The following FHIT variants were observed in gnomAD, a reference collection of about 807,000 sequenced individuals.
The protein encoded by FHIT is fragile histidine triad diadenosine triphosphatase.
FHIT carries 19 observed loss-of-function variants against 17.9 expected under a neutral mutation model. The observed-to-expected ratio is 1.06, with a 90% CI of 0.74 to 1.56. The LOEUF (loss-of-function observed/expected upper bound fraction) is 1.56, where lower values mean the gene tolerates loss of function less well. Among genes scored for constraint, FHIT ranks in the 40% most tolerant of loss-of-function variants. The pLI is 0.00. For missense variants in FHIT, 248 were observed against 189.2 expected, an observed-to-expected ratio of 1.31 and a Z score of -1.82; for synonymous variants, 81 against 69.7, an observed-to-expected ratio of 1.16 and a Z score of -0.81.
intron 4 of FHIT, among the ~76,000 whole-genome samples, chr3:60,655,535 C>A (rs1270993142): frequency 2.0e-5 from 3 of 152,128 alleles, no homozygotes; most frequent in African/African-American, 7.2e-5. Context: ...TTTATCTCGA[C>A]AGAACAATTA....
intron 4 of FHIT, among the ~76,000 whole-genome samples, chr3:60,578,301 G>T (rs1198816708): frequency 6.6e-6 from 1 of 151,924 alleles, no homozygotes; most frequent in Non-Finnish European, 1.5e-5. Context: ...GCTGAGTATG[G>T]TGGTGTGCAC....
chr3:60,342,084 C>T (rs1002436284), intron 5 of FHIT, among the ~76,000 whole-genome samples: 1 of 152,178 alleles, frequency 6.6e-6, no homozygotes, highest in African/African-American at 2.4e-5. Flanking sequence ...ATACACAGGA[C>T]CTGAAGATGC....
intron 3 of FHIT, among the ~76,000 whole-genome samples, chr3:61,015,446 C>T (rs1000844897): frequency 6.6e-6 from 1 of 152,098 alleles, no homozygotes; most frequent in Non-Finnish European, 1.5e-5. Flanking sequence ...AGAAAATATT[C>T]TATATCCTTT....
At chr3:61,131,380 G>A (rs2036758374) in intron 2 of FHIT, among the ~76,000 whole-genome samples, 2 of 152,210 alleles carry the variant, frequency 1.3e-5, no homozygotes. Context: ...TGGCAAAAAG[G>A]TGGATGGGCT....
At chr3:60,216,393 C>A (rs1026409971) in intron 5 of FHIT, among the ~76,000 whole-genome samples, 2 of 152,108 alleles carry the variant, frequency 1.3e-5, no homozygotes, top group African/African-American at 4.8e-5. Context: ...AATACCAATT[C>A]AGTGAAAAAG....
Position 59,747,784 on chromosome 3 carries a change from C to T in FHIT, c.*1801G>A, listed in dbSNP as rs1700686480. Among the ~76,000 whole-genome samples the T allele has an allele frequency of 6.6e-6, 1 of 151,798 alleles. No individual in the cohort carries two copies. The highest frequency in any genetic ancestry group is 1.5e-5 in the Non-Finnish European group (1 of 67,960). On this transcript the variant is annotated 3_prime_UTR_variant, in exon 10 of 10. Transcript: ENST00000492590. The stretch of plus-strand genomic sequence containing the variant: ...CCATGCACCTTGTCTTCTTGATATG[C>T]CTGCAGGGGTTGGGGGGAGGTGGGT...
intron 7 of FHIT, among the ~76,000 whole-genome samples, chr3:59,983,358 C>G (rs932460142): frequency 6.6e-6 from 1 of 152,102 alleles, no homozygotes; most frequent in African/African-American, 2.4e-5. Context: ...GTTTTACTTT[C>G]TATGGTTTCA....
intron 2 of FHIT, among the ~76,000 whole-genome samples, chr3:61,070,794 C>T (rs1036099276): frequency 9.2e-5 from 14 of 152,218 alleles, no homozygotes; most frequent in East Asian, 1.9e-4. Flanking sequence ...CCCAGTCTTA[C>T]GATGGTGCAG....
chr3:60,441,211 G>C (rs746648498), intron 5 of FHIT, among the ~76,000 whole-genome samples: 4 of 151,988 alleles, frequency 2.6e-5, no homozygotes, highest in African/African-American at 9.7e-5. Flanking sequence ...ACCAATATTC[G>C]ATGAATCACT....
chr3:60,637,955 A>C (rs1387433160), intron 4 of FHIT, among the ~76,000 whole-genome samples: 4 of 152,208 alleles, frequency 2.6e-5, no homozygotes, highest in African/African-American at 9.6e-5. Context: ...AACCTACTAG[A>C]GTAATGTCAA....
chr3:59,992,989 T>G (rs150826086), intron 7 of FHIT, among the ~76,000 whole-genome samples: 134 of 152,224 alleles, frequency 8.8e-4, no homozygotes, highest in African/African-American at 3.1e-3. Context: ...TCCAGGTCGT[T>G]AATGAAATGA....
chr3:60,073,772 C>T (rs1310138583), intron 5 of FHIT, among the ~76,000 whole-genome samples: 1 of 152,098 alleles, frequency 6.6e-6, no homozygotes, highest in Non-Finnish European at 1.5e-5. Flanking sequence ...TCACTCCACT[C>T]CTGCCCTTTG....
At chr3:60,337,615 T>C (rs1710306876) in intron 5 of FHIT, among the ~76,000 whole-genome samples, 2 of 152,166 alleles carry the variant, frequency 1.3e-5, no homozygotes, top group South Asian at 4.1e-4. Context: ...CTCATATCCC[T>C]CAGAGGCTTT....
intron 5 of FHIT, among the ~76,000 whole-genome samples, chr3:60,296,890 T>C (rs1374146799): frequency 6.6e-6 from 1 of 150,796 alleles, no homozygotes; most frequent in Non-Finnish European, 1.5e-5. Flanking sequence ...AAGTCTATTC[T>C]TTCTCTAACT....
At chr3:60,353,144 T>C (rs1406939144) in intron 5 of FHIT, among the ~76,000 whole-genome samples, 4 of 152,200 alleles carry the variant, frequency 2.6e-5, no homozygotes, top group Non-Finnish European at 5.9e-5. Context: ...ACTTCAACTA[T>C]GACCCCTTCT....
intron 8 of FHIT, among the ~76,000 whole-genome samples, chr3:59,782,217 G>A (rs1304372941): frequency 6.6e-6 from 1 of 152,160 alleles, no homozygotes; most frequent in African/African-American, 2.4e-5. Context: ...GCCTCCCAAA[G>A]TGCTAGGATT....
chr3:59,983,266 A>C (rs1002809021), intron 7 of FHIT, among the ~76,000 whole-genome samples: 3 of 152,126 alleles, frequency 2.0e-5, no homozygotes, highest in Admixed American at 2.0e-4. Flanking sequence ...AACAAAAAGA[A>C]GGGGTATATT....
At chr3:61,131,946 A>G (rs1275919918) in intron 2 of FHIT, among the ~76,000 whole-genome samples, 1 of 152,248 alleles carries the variant, frequency 6.6e-6, no homozygotes, top group Non-Finnish European at 1.5e-5. Context: ...AATGAAGAAA[A>G]CAGCATTTAT....
At chr3:59,909,937 T>A (rs1199166100) in intron 8 of FHIT, among the ~76,000 whole-genome samples, 1 of 152,204 alleles carries the variant, frequency 6.6e-6, no homozygotes, top group Non-Finnish European at 1.5e-5. Context: ...GAAGCTACAA[T>A]CTCTCTTAAT....
Sources: gnomAD v4.1 joint callset for allele counts (sites outside exome capture counted in the v4.1 genomes callset) on GRCh38, gnomAD v4.1.1 for gene constraint, MANE v1.5 for transcripts, NCBI Gene and HGNC (gene_info 2026-07-23, HGNC 2026-07-21) for gene names.